SUCLG2: variants seen among roughly 807,000 people sequenced by gnomAD.
SUCLG2 encodes the protein succinate--CoA ligase [GDP-forming] subunit beta, mitochondrial.
A neutral mutation model predicts 47.9 loss-of-function variants in SUCLG2; 42 were observed. The observed-to-expected ratio is 0.88, with a 90% confidence interval of 0.69 to 1.14. The LOEUF (loss-of-function observed/expected upper bound fraction) is 1.14. Ranked by LOEUF, SUCLG2 falls within the 50% of genes most tolerant of loss-of-function variation. The pLI is 0.00. For synonymous variants in SUCLG2, 195 were observed against 197.3 expected, an observed-to-expected ratio of 0.99 and a Z score of 0.10; for missense variants, 571 against 525.9, an observed-to-expected ratio of 1.09 and a Z score of -0.84.
intron 9 of SUCLG2, among the ~76,000 whole-genome samples, chr3:67,427,841 C>A (rs1703347099): frequency 6.6e-6 from 1 of 152,210 alleles, no homozygotes; most frequent in Non-Finnish European, 1.5e-5. Context: ...CAGAGGGTCC[C>A]ACAACCATGG....
intron 4 of SUCLG2, among the ~76,000 whole-genome samples, chr3:67,527,247 T>C (rs1706278253): frequency 6.6e-6 from 1 of 152,238 alleles, no homozygotes; most frequent in South Asian, 2.1e-4. Context: ...TGTGACGCTA[T>C]GTCAACAGAG....
intron 9 of SUCLG2, among the ~76,000 whole-genome samples, chr3:67,437,451 T>C (rs1003927427): frequency 1.3e-5 from 2 of 152,192 alleles, no homozygotes; most frequent in Non-Finnish European, 2.9e-5. Context: ...CTTTTTAACG[T>C]ACCAGATAGA....
intron 2 of SUCLG2, among the ~76,000 whole-genome samples, chr3:67,548,996 A>T (rs894139752): frequency 8.5e-5 from 13 of 152,198 alleles, no homozygotes; most frequent in Middle Eastern, 3.4e-3. Flanking sequence ...TCAAATGGGA[A>T]TTTTTTTTAA....
At chr3:67,505,461 T>C (rs1200516274) in intron 7 of SUCLG2, among the ~76,000 whole-genome samples, 1 of 152,212 alleles carries the variant, frequency 6.6e-6, no homozygotes, top group Non-Finnish European at 1.5e-5. Flanking sequence ...AGATTATTAA[T>C]CACATAGGAA....
chr3:67,374,899 G>C lies in SUCLG2; in HGVS notation c.*845C>G, dbSNP rs1002256146. 26 of 985,120 alleles carry C rather than the reference G, an allele frequency of 2.6e-5. No homozygotes were observed. Among genetic ancestry groups the C allele is most frequent in the South Asian group, 1.9e-4 (4 of 21,288 alleles). The allele number at this position is 985,120 out of a possible 1,614,324, so 61.0% of individuals were successfully genotyped here. A position where few individuals can be genotyped will look rare whatever the true frequency, so the allele number is the denominator to read the frequency against. ...AACTGGTAGATTCTGGGAGGATGAG[G>C]AGTAAGAGAGAAACGAGGAGAGAAG... On this transcript the variant is annotated 3_prime_UTR_variant, in exon 11 of 11. Coordinates refer to ENST00000307227, the MANE Select transcript of SUCLG2 (RefSeq NM_003848.4).
chr3:67,468,989 T>C (rs1044634858), intron 9 of SUCLG2, among the ~76,000 whole-genome samples: 2 of 152,174 alleles, frequency 1.3e-5, no homozygotes, highest in African/African-American at 4.8e-5. Flanking sequence ...ATAATTACAT[T>C]CAGCTAAGAC....
rs1708194504 is a variant in SUCLG2, at chr3:67,592,731, AAAAAACAAC to A, written c.226+16715_226+16723del. Among the ~76,000 whole-genome samples, 3 of 124,422 alleles carry A rather than the reference AAAAAACAAC, an allele frequency of 2.4e-5. 1 individual carries two copies. Among genetic ancestry groups the A allele is most frequent in the Non-Finnish European group, 5.3e-5 (3 of 56,934 alleles). The allele number at this position is 124,422 out of a possible 152,430, so 81.6% of individuals were successfully genotyped here. On this transcript the variant is annotated intron_variant, in intron 2 of 10. Coordinates refer to ENST00000307227, the MANE Select transcript of SUCLG2 (RefSeq NM_003848.4). ...TCTCACATCCTCCAAAAAAAAAAAA[AAAAAACAAC>A]AAAAAAAAACTGAATATCAAAGCCA...
chr3:67,528,609 G>A (rs1401368295), intron 3 of SUCLG2, among the ~76,000 whole-genome samples: 3 of 152,148 alleles, frequency 2.0e-5, no homozygotes, highest in African/African-American at 7.2e-5. Flanking sequence ...AAAGTAAATA[G>A]TAAAAAGGTG....
intron 9 of SUCLG2, among the ~76,000 whole-genome samples, chr3:67,450,676 ATT>A (rs944769409): frequency 1.3e-5 from 2 of 152,306 alleles, no homozygotes; most frequent in South Asian, 2.1e-4. Context: ...TTAATTTAAT[ATT>A]GTTATTTAAC....
chr3:67,480,817 G>A (rs1322496306), intron 9 of SUCLG2, among the ~76,000 whole-genome samples: 5 of 152,194 alleles, frequency 3.3e-5, no homozygotes, highest in African/African-American at 1.2e-4. Flanking sequence ...AGTAGCTAGG[G>A]AAGACAGGAT....
At chr3:67,527,476 C>A (rs1360202904) in intron 4 of SUCLG2, among the ~76,000 whole-genome samples, 1 of 152,162 alleles carries the variant, frequency 6.6e-6, no homozygotes, top group African/African-American at 2.4e-5. Flanking sequence ...TCTGGATACA[C>A]AAAAGGGATG....
At chr3:67,496,078 T>A in intron 8 of SUCLG2, 138 bp from the exon 9 acceptor site, 1 of 1,004,146 alleles carries the variant, frequency 1.0e-6, no homozygotes, top group Non-Finnish European at 1.4e-6. Flanking sequence ...GGAATTCCAT[T>A]AAACCAGATT....
chr3:67,579,545 A>C (rs1434526373), intron 2 of SUCLG2, among the ~76,000 whole-genome samples: 1 of 152,188 alleles, frequency 6.6e-6, no homozygotes, highest in East Asian at 1.9e-4. Context: ...TAATAAGCTT[A>C]CTGCCACTAA....
intron 9 of SUCLG2, among the ~76,000 whole-genome samples, chr3:67,476,603 C>A (rs539068770): frequency 6.6e-6 from 1 of 152,220 alleles, no homozygotes; most frequent in East Asian, 1.9e-4. Context: ...CCCAAATCAC[C>A]ACCTCTTCCC....
At chr3:67,487,427 A>G (rs953198810) in intron 9 of SUCLG2, among the ~76,000 whole-genome samples, 1 of 152,038 alleles carries the variant, frequency 6.6e-6, no homozygotes, top group Non-Finnish European at 1.5e-5. Flanking sequence ...TAAAGACAAG[A>G]GTCAAGATGT....
At chr3:67,425,350 T>A (rs1307942914) in intron 9 of SUCLG2, among the ~76,000 whole-genome samples, 1 of 152,170 alleles carries the variant, frequency 6.6e-6, no homozygotes, top group Non-Finnish European at 1.5e-5. Context: ...ATTTTATATG[T>A]CAACTTGACT....
At chr3:67,583,247 T>C (rs866195953) in intron 2 of SUCLG2, among the ~76,000 whole-genome samples, 1 of 152,124 alleles carries the variant, frequency 6.6e-6, no homozygotes, top group South Asian at 2.1e-4. Flanking sequence ...TGTCATCCAT[T>C]GCCCTGTCCA....
intron 1 of SUCLG2, among the ~76,000 whole-genome samples, chr3:67,610,464 A>G (rs577152144): frequency 6.6e-6 from 1 of 152,232 alleles, no homozygotes; most frequent in Non-Finnish European, 1.5e-5. Flanking sequence ...AATAATATCA[A>G]CAGTATTCCC....
At chr3:67,610,977 T>C (rs1700517677) in intron 1 of SUCLG2, among the ~76,000 whole-genome samples, 2 of 152,194 alleles carry the variant, frequency 1.3e-5, no homozygotes, top group African/African-American at 2.4e-5. Flanking sequence ...GTGAAGAAGG[T>C]GACAGTGCTT....
Sources: allele counts gnomAD v4.1 joint callset (sites outside exome capture counted in the v4.1 genomes callset), GRCh38; gene constraint gnomAD v4.1.1; transcripts MANE v1.5; gene names NCBI Gene and HGNC (gene_info 2026-07-23, HGNC 2026-07-21).